MANBA: variants seen among roughly 807,000 people sequenced by gnomAD.
The protein encoded by MANBA is beta-mannosidase.
A neutral mutation model predicts 111.1 loss-of-function variants in MANBA; 83 were observed. The ratio of observed to expected loss-of-function variants is 0.75; its 90% confidence interval spans 0.63 to 0.90. The LOEUF is 0.90. Ranked by LOEUF, MANBA falls within the 40% of genes least tolerant of loss-of-function variation. The pLI is 0.00. For missense variants in MANBA, 1,036 were observed against 1,069.0 expected (o/e 0.97, Z 0.43); for synonymous variants, 370 against 378.7 (o/e 0.98, Z 0.27).
Position 102,670,662 on chromosome 4 carries a change from G to A in MANBA, c.1230+619C>T, listed in dbSNP as rs930179431. On this transcript the variant is annotated intron_variant, in intron 9 of 16. Coordinates refer to ENST00000647097, the MANE Select transcript of MANBA (RefSeq NM_005908.4). Reference sequence around the variant, plus strand: ...AGTTCAAGGCCAGCCTGGACAACACGGTGAAACCCCATCTCTACTAAAAAT... The same window carrying A: ...AGTTCAAGGCCAGCCTGGACAACACAGTGAAACCCCATCTCTACTAAAAAT... 5.3e-5 allele frequency among the ~76,000 whole-genome samples: 8 copies of A among 152,088 alleles called. No individual in the cohort carries two copies. The East Asian group carries it at 7.7e-4, about 15-fold the overall frequency.
chr4:102,650,380 C>A (rs1479480734), intron 13 of MANBA, among the ~76,000 whole-genome samples, 157 bp downstream of exon 13: 1 of 152,198 alleles, frequency 6.6e-6, no homozygotes, highest in African/African-American at 2.4e-5. Flanking sequence ...TATTTCATGT[C>A]CTATGTGTCA....
chr4:102,756,396 C>T (rs1344143277), intron 1 of MANBA, among the ~76,000 whole-genome samples: 1 of 152,150 alleles, frequency 6.6e-6, no homozygotes, highest in Non-Finnish European at 1.5e-5. Context: ...ACACCACATG[C>T]TCTCATTCAT....
rs1732544786 is a variant in MANBA, at chr4:102,692,839, T to A, written c.674-2068A>T. ...TTTCTCCTACAAATAAAGAAGAGAT[T>A]AATAATCATGGCTTTGCTGCAAAAG... On this transcript the variant is annotated intron_variant, in intron 5 of 16. Transcript: ENST00000647097. 2.0e-5 allele frequency among the ~76,000 whole-genome samples: 3 copies of A among 151,650 alleles called. No homozygotes were observed. The South Asian group carries it at 6.3e-4, about 32-fold the overall frequency.
rs923672867 is a variant in MANBA, at chr4:102,728,900, G to A, written c.178-2217C>T. 5 of 753,058 alleles carry A rather than the reference G, an allele frequency of 6.6e-6. No homozygotes were observed. The African/African-American group carries it at 8.5e-5, about 13-fold the overall frequency. The allele number at this position is 753,058 out of a possible 1,614,324, so 46.6% of individuals were successfully genotyped here. A position where few individuals can be genotyped will look rare whatever the true frequency, so the allele number is the denominator to read the frequency against. On this transcript the variant is annotated intron_variant, in intron 1 of 16. Coordinates refer to ENST00000647097, the MANE Select transcript of MANBA (RefSeq NM_005908.4). ...GGGGCTTGGGAGGCCCCCACAGGCC[G>A]AGCTCAGATCACCTGCATAACCACT...
chr4:102,724,482 C>A (rs1722710996), intron 2 of MANBA, among the ~76,000 whole-genome samples: 1 of 151,710 alleles, frequency 6.6e-6, no homozygotes, highest in Non-Finnish European at 1.5e-5. Context: ...ACACTTGAAC[C>A]CAGGAGGCGG....
chr4:102,694,377 C>G (rs1321837253), intron 5 of MANBA, among the ~76,000 whole-genome samples: 1 of 152,142 alleles, frequency 6.6e-6, no homozygotes, highest in African/African-American at 2.4e-5. Flanking sequence ...TCACAAGGCG[C>G]AAAGTCTTAA....
rs541153891 is a variant in MANBA at position 102,661,699 on chromosome 4, C to T, written c.1485+2986G>A. On this transcript the variant is annotated intron_variant, in intron 11 of 16. Coordinates refer to ENST00000647097, the MANE Select transcript of MANBA (RefSeq NM_005908.4). ...TCTACCTAAAAATATCTGGCTTTGA[C>T]GATGCATTATAATTTCCTTCCACTT... Among the ~76,000 whole-genome samples, 143 of 152,246 alleles carry T rather than the reference C, an allele frequency of 9.4e-4. 1 individual carries two copies. Among genetic ancestry groups the T allele is most frequent in the Non-Finnish European group, 1.7e-3 (118 of 68,022 alleles).
chr4:102,723,800 A>G, intron 3 of MANBA, 62 bp downstream of exon 3: 2 of 932,510 alleles, frequency 2.1e-6, no homozygotes, highest in East Asian at 2.6e-5. Flanking sequence ...TTCTCTACTC[A>G]CAAAAGCAAT....
Position 102,729,217 on chromosome 4 carries a change from G to T in MANBA, c.178-2534C>A, listed in dbSNP as rs1332201173. The stretch of plus-strand genomic sequence containing the variant: ...CTGGCCTTTGAGGCCCTCAGTCTCA[G>T]CCTGGAGCTGGCTGATGTTCCGGTT... On this transcript the variant is annotated intron_variant, in intron 1 of 16. Transcript: ENST00000647097. 1.2e-5 allele frequency: 9 copies of T among 732,836 alleles called. No homozygotes were observed. In the Admixed American group the frequency reaches 1.5e-4, roughly 12 times the overall value. 45.4% of individuals were successfully genotyped at this position (732,836 alleles called of 1,614,324 possible). A position where few individuals can be genotyped will look rare whatever the true frequency, so the allele number is the denominator to read the frequency against.
At chr4:102,690,104 G>A (rs1732407349) in intron 6 of MANBA, among the ~76,000 whole-genome samples, 1 of 151,654 alleles carries the variant, frequency 6.6e-6, no homozygotes, top group African/African-American at 2.4e-5. Context: ...ACCTTTTTCA[G>A]TACACAATTA....
rs753121523 is a variant in MANBA, at chr4:102,650,715, A to G, written c.1705-14T>C. On this transcript the variant is annotated splice_polypyrimidine_tract_variant and intron_variant, in intron 12 of 16. Coordinates refer to ENST00000647097, the MANE Select transcript of MANBA (RefSeq NM_005908.4). ...TGTAGACGAGACCTTTCAAATAAAG[A>G]ATAAGAATTAGAAATCTGAAAGTTG... The G allele has an allele frequency of 3.1e-6, 5 of 1,605,874 alleles. No individual in the cohort carries two copies. Among genetic ancestry groups the G allele is most frequent in the Non-Finnish European group, 4.3e-6 (5 of 1,172,834 alleles).
chr4:102,742,161 G>A (rs1723426189), intron 1 of MANBA, among the ~76,000 whole-genome samples: 1 of 152,094 alleles, frequency 6.6e-6, no homozygotes, highest in Non-Finnish European at 1.5e-5. Context: ...TCCCTTCTTA[G>A]CCCACTGACT....
chr4:102,728,449 G>C (rs1722894793), intron 1 of MANBA: 2 of 432,810 alleles, frequency 4.6e-6, no homozygotes, highest in African/African-American at 4.1e-5. Flanking sequence ...TTGAAGAGAG[G>C]GACTCTTTGT....
At chr4:102,731,239 G>A (rs1480040435) in intron 1 of MANBA, among the ~76,000 whole-genome samples, 2 of 151,842 alleles carry the variant, frequency 1.3e-5, no homozygotes, top group African/African-American at 4.8e-5. Context: ...AAAACCACCA[G>A]TATCAGCAGA....
At chr4:102,729,527 C>T (rs1722948981) in intron 1 of MANBA, 3 of 904,580 alleles carry the variant, frequency 3.3e-6, no homozygotes, top group African/African-American at 1.6e-5. Context: ...TCAGTCAGCC[C>T]TTCCAGGTGA....
At position 102,631,106 on chromosome 4, in the gene MANBA, T is replaced by TTG. The variant is rs71934469; in HGVS notation, c.*949_*950dup. The TTG allele has an allele frequency of 0.052, 3,791 of 72,914 alleles. 59 individuals are homozygous for TTG. Among genetic ancestry groups the TTG allele is most frequent in the East Asian group, 0.098 (219 of 2,240 alleles). The allele number at this position is 72,914 out of a possible 1,614,324, so 4.5% of individuals were successfully genotyped here. A position where few individuals can be genotyped will look rare whatever the true frequency, so the allele number is the denominator to read the frequency against. On this transcript the variant is annotated 3_prime_UTR_variant, in exon 17 of 17. Coordinates refer to ENST00000647097, the MANE Select transcript of MANBA (RefSeq NM_005908.4). ...GTCCCCTTATCCCCTTGATAAGGCT[T>TTG]TGTGTGTGTGTGTGTGTGTGTGTGT...
chr4:102,732,790 G>A (rs1355455058), intron 1 of MANBA, among the ~76,000 whole-genome samples: 1 of 152,196 alleles, frequency 6.6e-6, no homozygotes, highest in Non-Finnish European at 1.5e-5. Context: ...GGGTTGAAGA[G>A]GCACCTAATT....
intron 1 of MANBA, chr4:102,728,057 G>T (rs72937832): frequency 1.9e-6 from 1 of 515,526 alleles, no homozygotes; most frequent in East Asian, 5.3e-5. Flanking sequence ...TGCAGGGGTG[G>T]AGATAGAAGG....
At chr4:102,659,346 T>C (rs899634437) in intron 11 of MANBA, among the ~76,000 whole-genome samples, 3 of 152,226 alleles carry the variant, frequency 2.0e-5, no homozygotes, top group Non-Finnish European at 4.4e-5. Flanking sequence ...AGAGATAGAC[T>C]TCCAGAAAAT....
Sources: allele counts gnomAD v4.1 joint callset (sites outside exome capture counted in the v4.1 genomes callset), GRCh38; gene constraint gnomAD v4.1.1; transcripts MANE v1.5; gene names NCBI Gene and HGNC (gene_info 2026-07-23, HGNC 2026-07-21).